APLF: variants seen among roughly 807,000 people sequenced by gnomAD.
APLF encodes aprataxin and PNK-like factor.
APLF carries 61 observed loss-of-function variants against 55.6 expected under a neutral mutation model. That is an observed-to-expected ratio of 1.10 (90% CI 0.89 to 1.36). The LOEUF (loss-of-function observed/expected upper bound fraction) is 1.36. Ranked by LOEUF, APLF falls within the 40% of genes most tolerant of loss-of-function variation. The pLI is 0.00. For missense variants in APLF, 611 were observed against 602.5 expected (o/e 1.01, Z -0.15); for synonymous variants, 207 against 214.8 (o/e 0.96, Z 0.32).
At position 68,513,649 on chromosome 2, in the gene APLF, T is replaced by A. The variant is rs1272856937; in HGVS notation, c.591T>A (p.Asp197Glu). The A allele has an allele frequency of 6.2e-7, 1 of 1,611,326 alleles. No individual in the cohort carries two copies. The highest frequency in any genetic ancestry group is 8.5e-7 in the Non-Finnish European group (1 of 1,178,156). ...PTWMLAEHLSDQNLSVPAISG... is the reference protein window; with the variant it reads ...PTWMLAEHLSEQNLSVPAISG... The stretch of plus-strand genomic sequence containing the variant: ...GGATGTTAGCAGAACATTTAAGTGA[T>A]CAAAACCTTTCAGTACCAGCAATCA... The change falls in exon 5 of 10, where the codon GAT (aspartate) becomes GAA (glutamate). Residue 197 changes from aspartate to glutamate, a missense_variant. Asp to Glu is a conservative substitution (Grantham distance 45). Transcript: ENST00000303795.
At position 68,502,760 on chromosome 2, in the gene APLF, T is replaced by G. The variant is rs200850755; in HGVS notation, c.198T>G (p.Ser66=). The G allele has an allele frequency of 1.3e-6, 2 of 1,570,748 alleles. No homozygotes were observed. The highest frequency in any genetic ancestry group is 1.7e-6 in the Non-Finnish European group (2 of 1,165,778). The change falls in exon 3 of 10, where the codon TCT becomes TCG. Residue 66 remains serine, a synonymous_variant. Transcript: ENST00000303795. The stretch of plus-strand genomic sequence containing the variant: ...ACACAAATCCATGTTTTTACCAGTC[T>G]TCAGAGAAGAGTCAGCTCTTACCAT... The part of the protein sequence containing the change: ...PIHTNPCFYQ[S]SEKSQLLPLK...
intron 1 of APLF, among the ~76,000 whole-genome samples, chr2:68,482,822 G>T (rs1558527448): frequency 6.6e-6 from 1 of 152,154 alleles, no homozygotes; most frequent in Non-Finnish European, 1.5e-5. Context: ...CCCACTGGGG[G>T]TGGTCTGCTG....
intron 5 of APLF, among the ~76,000 whole-genome samples, chr2:68,516,252 T>C (rs770950441): frequency 1.3e-5 from 2 of 151,680 alleles, no homozygotes; most frequent in African/African-American, 2.4e-5. Flanking sequence ...ACTGTATAGC[T>C]GCCTAAATTT....
intron 6 of APLF, chr2:68,528,624 G>C: frequency 6.5e-7 from 1 of 1,533,442 alleles, no homozygotes; most frequent in South Asian, 1.2e-5. Context: ...TCTTTACCCA[G>C]CACCTTCAAG....
intron 8 of APLF, among the ~76,000 whole-genome samples, chr2:68,547,468 A>C (rs1670739291): frequency 6.6e-6 from 1 of 151,806 alleles, no homozygotes; most frequent in African/African-American, 2.4e-5. Context: ...GTTATACTTT[A>C]TAGTTACTAA....
At chr2:68,501,379 A>G (rs1676715628) in intron 2 of APLF, among the ~76,000 whole-genome samples, 1 of 152,002 alleles carries the variant, frequency 6.6e-6, no homozygotes, top group Non-Finnish European at 1.5e-5. Flanking sequence ...GATGAAATAG[A>G]TAGAAGGAAG....
At chr2:68,494,565 C>T (rs563087809) in intron 2 of APLF, among the ~76,000 whole-genome samples, 15 of 152,028 alleles carry the variant, frequency 9.9e-5, no homozygotes, top group African/African-American at 3.4e-4. Context: ...GAATGTGTGC[C>T]ATGGTGGTTT....
At chr2:68,571,038 G>A (rs1475053188) in intron 9 of APLF, among the ~76,000 whole-genome samples, 1 of 152,144 alleles carries the variant, frequency 6.6e-6, no homozygotes, top group Non-Finnish European at 1.5e-5. Flanking sequence ...ACATTTCTCT[G>A]ATGGCCAGTG....
chr2:68,516,844 G>A (rs12989075), intron 5 of APLF, among the ~76,000 whole-genome samples: 13,057 of 135,342 alleles, frequency 0.096, 752 homozygotes, highest in African/African-American at 0.15. Context: ...GAGGCATCAC[G>A]TTTTATATAT....
intron 6 of APLF, among the ~76,000 whole-genome samples, chr2:68,533,783 A>T (rs1484725029): frequency 6.6e-6 from 1 of 152,144 alleles, no homozygotes; most frequent in Non-Finnish European, 1.5e-5. Context: ...AAGCTGTTAG[A>T]TCTTTTAAGG....
At chr2:68,557,105 G>T (rs1378630828) in intron 8 of APLF, among the ~76,000 whole-genome samples, 2 of 152,122 alleles carry the variant, frequency 1.3e-5, no homozygotes, top group East Asian at 1.9e-4. Context: ...GCAGGGGATT[G>T]GTTCCAGGAC....
rs1383610798 is a variant in APLF, at chr2:68,502,055, T to C, written c.169-676T>C. ...AGAGAGTGAGCAAGAGAGGGCCAAATTTGCATTTATTACAGACCCACTCGC... is the reference window on the plus strand; with the variant it reads ...AGAGAGTGAGCAAGAGAGGGCCAAACTTGCATTTATTACAGACCCACTCGC... On this transcript the variant is annotated intron_variant, in intron 2 of 9. Transcript: ENST00000303795. Among the ~76,000 whole-genome samples the C allele has an allele frequency of 3.9e-5, 6 of 152,108 alleles. No homozygotes were observed. In the East Asian group the frequency reaches 1.2e-3, roughly 29 times the overall value.
intron 8 of APLF, among the ~76,000 whole-genome samples, chr2:68,548,708 A>G (rs1029916942): frequency 2.0e-5 from 3 of 151,984 alleles, no homozygotes; most frequent in Non-Finnish European, 4.4e-5. Flanking sequence ...CATGTTGTAT[A>G]TAATTCGTGG....
intron 7 of APLF, among the ~76,000 whole-genome samples, chr2:68,543,834 G>A (rs562895192): frequency 5.1e-4 from 78 of 152,218 alleles, no homozygotes; most frequent in African/African-American, 1.8e-3. Flanking sequence ...GTTCAAAGAA[G>A]TGCATACTAG....
At chr2:68,560,813 G>A (rs1285495732) in intron 8 of APLF, among the ~76,000 whole-genome samples, 1 of 152,112 alleles carries the variant, frequency 6.6e-6, no homozygotes, top group African/African-American at 2.4e-5. Flanking sequence ...TTAGGAAAAA[G>A]ATCTGGTGGA....
intron 8 of APLF, among the ~76,000 whole-genome samples, chr2:68,548,209 GAAAC>G (rs1351736615): frequency 6.6e-6 from 1 of 151,430 alleles, no homozygotes; most frequent in African/African-American, 2.4e-5. Context: ...TCTAAAACAA[GAAAC>G]AAAAATTAAT....
chr2:68,549,958 A>G (rs949575923), intron 8 of APLF, among the ~76,000 whole-genome samples: 2 of 151,924 alleles, frequency 1.3e-5, no homozygotes, highest in African/African-American at 4.8e-5. Context: ...TGTTTTTAAT[A>G]TTTTTTCCAG....
chr2:68,529,368 C>G lies in APLF; in HGVS notation c.804+3126C>G, dbSNP rs1558543819. The G allele has an allele frequency of 1.5e-6, 2 of 1,299,362 alleles. No individual in the cohort carries two copies. Among genetic ancestry groups the G allele is most frequent in the Non-Finnish European group, 2.0e-6 (2 of 1,024,174 alleles). The allele number at this position is 1,299,362 out of a possible 1,614,324, so 80.5% of individuals were successfully genotyped here. On this transcript the variant is annotated intron_variant, in intron 6 of 9. Transcript: ENST00000303795. The surrounding 1 kb of genome is among the most constrained non-coding windows in gnomAD (Gnocchi z 4.4). The stretch of plus-strand genomic sequence containing the variant: ...GGAGCCGCGGGGTGAGCCCGGCCAG[C>G]TGGGAAGGCCTCACGGACAAGACGA...
intron 2 of APLF, among the ~76,000 whole-genome samples, chr2:68,501,436 AAACACC>A (rs200783346): frequency 0.025 from 3,860 of 152,082 alleles, 60 homozygotes; most frequent in South Asian, 0.042. Context: ...TAAAAAAAAA[AAACACC>A]AAAGATCTGC....
Sources: allele counts gnomAD v4.1 joint callset (sites outside exome capture counted in the v4.1 genomes callset), GRCh38; gene constraint gnomAD v4.1.1; non-coding constraint Gnocchi (gnomAD v3.1); transcripts MANE v1.5; gene names NCBI Gene and HGNC (gene_info 2026-07-23, HGNC 2026-07-21).